The following FSTL4 variants were observed in gnomAD, a reference collection of about 807,000 sequenced individuals.
The protein encoded by FSTL4 is follistatin like 4.
In FSTL4, 28 loss-of-function variants were observed where a neutral mutation model predicts 78.2. That is an observed-to-expected ratio of 0.36 (90% CI 0.27 to 0.49). The LOEUF is 0.49. FSTL4 is among the 20% of genes least tolerant of loss of function. The pLI, the probability that FSTL4 is intolerant of heterozygous loss-of-function variation, is 0.98. For missense variants in FSTL4, 922 were observed against 1,084.9 expected (o/e 0.85, Z 2.11); for synonymous variants, 422 against 440.5 (o/e 0.96, Z 0.53).
intron 3 of FSTL4, among the ~76,000 whole-genome samples, chr5:133,538,898 G>T (rs1487114480): frequency 1.3e-5 from 2 of 152,154 alleles, no homozygotes; most frequent in African/African-American, 4.8e-5. Flanking sequence ...CTAGCCAGCT[G>T]GGGGCTTGTT....
intron 3 of FSTL4, among the ~76,000 whole-genome samples, chr5:133,498,623 C>T (rs537761773): frequency 1.1e-4 from 17 of 151,338 alleles, no homozygotes; most frequent in African/African-American, 2.2e-4. Context: ...GAGGCTGAGG[C>T]GGGAGAATCA....
Position 133,532,293 on chromosome 5 carries a change from T to C in FSTL4, c.160+34893A>G, listed in dbSNP as rs557452932. Among the ~76,000 whole-genome samples the C allele has an allele frequency of 3.9e-5, 6 of 152,344 alleles. 1 individual carries two copies. The highest frequency in any genetic ancestry group is 1.4e-4 in the African/African-American group (6 of 41,584). On this transcript the variant is annotated intron_variant, in intron 3 of 15. Coordinates refer to ENST00000265342, the MANE Select transcript of FSTL4 (RefSeq NM_015082.2). Reference sequence around the variant, plus strand: ...GCCTCTGCACTTGTTGGCAGCCCCATAGGCCAACTATTATAAATAACTTCC... The same window carrying C: ...GCCTCTGCACTTGTTGGCAGCCCCACAGGCCAACTATTATAAATAACTTCC...
At chr5:133,767,569 A>G in the FSTL4 span, among the ~76,000 whole-genome samples, 1 of 152,230 alleles carries the variant, frequency 6.6e-6, no homozygotes, top group Non-Finnish European at 1.5e-5. Context: ...TGGAGGTAGC[A>G]TGACTACCAC....
intron 4 of FSTL4, among the ~76,000 whole-genome samples, chr5:133,342,181 T>C (rs761486453): frequency 8.6e-5 from 13 of 152,014 alleles, no homozygotes; most frequent in Non-Finnish European, 1.3e-4. Context: ...TCGCTTGAAG[T>C]TCAGGGAATG....
intron 3 of FSTL4, among the ~76,000 whole-genome samples, chr5:133,510,737 A>T (rs914609260): frequency 7.9e-5 from 12 of 152,052 alleles, no homozygotes; most frequent in African/African-American, 2.9e-4. Context: ...AGCCCCAGGG[A>T]GTCCTTTCTG....
intron 4 of FSTL4, among the ~76,000 whole-genome samples, chr5:133,326,066 C>T (rs982292402): frequency 2.6e-5 from 4 of 152,148 alleles, no homozygotes; most frequent in African/African-American, 7.2e-5. Context: ...TGCTAAGCTG[C>T]GCAAAGAACA....
the FSTL4 span, among the ~76,000 whole-genome samples, chr5:133,838,799 T>TG: frequency 6.6e-6 from 1 of 152,206 alleles, no homozygotes; most frequent in African/African-American, 2.4e-5. Context: ...TGCATTCTGC[T>TG]GGTCGTGACA....
intron 4 of FSTL4, among the ~76,000 whole-genome samples, chr5:133,347,280 C>T (rs1754717141): frequency 1.3e-5 from 2 of 152,210 alleles, no homozygotes; most frequent in South Asian, 4.1e-4. Flanking sequence ...TGTCACACAG[C>T]AGGCTCAGTT....
chr5:133,631,019 C>T, the FSTL4 span, among the ~76,000 whole-genome samples: 1 of 152,090 alleles, frequency 6.6e-6, no homozygotes, highest in Non-Finnish European at 1.5e-5. Flanking sequence ...AAGACTTAAA[C>T]GTAAAACCTA....
chr5:133,646,642 G>A, the FSTL4 span, among the ~76,000 whole-genome samples: 1 of 152,140 alleles, frequency 6.6e-6, no homozygotes, highest in African/African-American at 2.4e-5. Context: ...AAGGTGCAGA[G>A]GAGATGGATT....
At chr5:133,281,108 G>A (rs952583017) in intron 6 of FSTL4, among the ~76,000 whole-genome samples, 6 of 152,174 alleles carry the variant, frequency 3.9e-5, no homozygotes, top group African/African-American at 1.4e-4. Context: ...ACCGGTCCCT[G>A]TGTCTGGGAC....
chr5:133,591,685 T>A (rs959448829), intron 2 of FSTL4, among the ~76,000 whole-genome samples: 1 of 152,086 alleles, frequency 6.6e-6, no homozygotes, highest in Non-Finnish European at 1.5e-5. Context: ...AGAACTCAAA[T>A]GAGACAGTCT....
intron 11 of FSTL4, among the ~76,000 whole-genome samples, chr5:133,221,891 G>GCTTTTTTTTT (rs1751119476): frequency 2.3e-5 from 1 of 43,360 alleles, no homozygotes. Context: ...CTCTTTTCTA[G>GCTTTTTTTTT]TTTTTTTTTT....
At chr5:133,291,112 G>A (rs1406423801) in intron 6 of FSTL4, among the ~76,000 whole-genome samples, 4 of 152,218 alleles carry the variant, frequency 2.6e-5, no homozygotes, top group African/African-American at 9.6e-5. Context: ...TACAAAAGAA[G>A]TACAATGGGA....
At chr5:133,623,219 A>C in the FSTL4 span, among the ~76,000 whole-genome samples, 18 of 152,064 alleles carry the variant, frequency 1.2e-4, no homozygotes, top group African/African-American at 4.1e-4. Flanking sequence ...ACAATCTTTT[A>C]ATAGAAGAAC....
the FSTL4 span, among the ~76,000 whole-genome samples, chr5:133,623,735 A>T: frequency 6.6e-6 from 1 of 152,186 alleles, no homozygotes; most frequent in Admixed American, 6.6e-5. Context: ...AAATATTTGC[A>T]TATATATCTG....
intron 4 of FSTL4, among the ~76,000 whole-genome samples, chr5:133,391,251 G>A (rs1009979938): frequency 3.3e-5 from 5 of 152,182 alleles, no homozygotes; most frequent in Admixed American, 6.5e-5. Context: ...GATCTTAATT[G>A]AAGGCACGAT....
chr5:133,250,922 T>C (rs573752621), intron 6 of FSTL4, among the ~76,000 whole-genome samples: 5 of 151,748 alleles, frequency 3.3e-5, no homozygotes, highest in African/African-American at 1.2e-4. Context: ...AATAAAGAAG[T>C]AAAAGAGCCA....
rs560361829 is a variant in FSTL4, at chr5:133,311,957, G to A, written c.727+697C>T. On this transcript the variant is annotated intron_variant, in intron 6 of 15. Coordinates refer to ENST00000265342, the MANE Select transcript of FSTL4 (RefSeq NM_015082.2). ...TCTGCTGACCCCTGCCTGGAGCTAC[G>A]AATGGCTCTTGTATCTTGCATTTCT... Among the ~76,000 whole-genome samples, 12 of 152,254 alleles carry A rather than the reference G, an allele frequency of 7.9e-5. No homozygotes were observed. The East Asian group carries it at 1.4e-3, about 17-fold the overall frequency.
Sources: gnomAD v4.1 joint callset for allele counts (sites outside exome capture counted in the v4.1 genomes callset) on GRCh38, gnomAD v4.1.1 for gene constraint, MANE v1.5 for transcripts, NCBI Gene and HGNC (gene_info 2026-07-23, HGNC 2026-07-21) for gene names.